The following LINGO1 variants were observed in gnomAD, a reference collection of about 807,000 sequenced individuals.
LINGO1 encodes the protein leucine-rich repeat and immunoglobulin-like domain-containing nogo receptor-interacting protein 1.
Under a neutral mutation model 37.3 loss-of-function variants are expected in LINGO1, and 11 were observed. The observed-to-expected ratio is 0.29, with a 90% CI of 0.19 to 0.49. LINGO1 has a LOEUF of 0.49. Among genes scored for constraint, LINGO1 ranks in the 20% least tolerant of loss-of-function variants. LINGO1 has a pLI of 0.99. For missense variants in LINGO1, 585 were observed against 878.2 expected, an observed-to-expected ratio of 0.67 and a Z score of 4.22; for synonymous variants, 387 against 403.0, an observed-to-expected ratio of 0.96 and a Z score of 0.48.
chr15:77,793,734 T>C (rs1195055767), intron 2 of LINGO1, among the ~76,000 whole-genome samples: 1 of 152,174 alleles, frequency 6.6e-6, no homozygotes, highest in Non-Finnish European at 1.5e-5. Context: ...GAGTATTTAA[T>C]GATGGGAAAA....
chr15:77,796,371 T>C (rs1363136903), intron 1 of LINGO1, among the ~76,000 whole-genome samples: 1 of 151,818 alleles, frequency 6.6e-6, no homozygotes, highest in Non-Finnish European at 1.5e-5. Flanking sequence ...AAGCGCAGAG[T>C]TTGTGGCCCC....
At chr15:77,691,935 G>C (rs2075611495) in intron 1 of LINGO1, among the ~76,000 whole-genome samples, 1 of 152,144 alleles carries the variant, frequency 6.6e-6, no homozygotes, top group Non-Finnish European at 1.5e-5. Flanking sequence ...GGCATCACAG[G>C]GTCCAGATTA....
intron 2 of LINGO1, among the ~76,000 whole-genome samples, chr15:77,685,805 C>T (rs1230292226): frequency 6.6e-6 from 1 of 152,052 alleles, no homozygotes; most frequent in African/African-American, 2.4e-5. Flanking sequence ...GAGCCATGAT[C>T]ACAACACTGC....
upstream of LINGO1, among the ~76,000 whole-genome samples, chr15:77,697,924 T>G (rs1225385310): frequency 6.6e-6 from 1 of 152,154 alleles, no homozygotes; most frequent in African/African-American, 2.4e-5. Context: ...CAGGGCCTAG[T>G]AGGCACCAAG....
At chr15:77,804,924 T>C (rs1454054186) in intron 1 of LINGO1, among the ~76,000 whole-genome samples, 1 of 152,188 alleles carries the variant, frequency 6.6e-6, no homozygotes, top group Non-Finnish European at 1.5e-5. Context: ...AAGGGCTGGA[T>C]GGGAGTGCTG....
intron 3 of LINGO1, among the ~76,000 whole-genome samples, chr15:77,669,792 T>G (rs1298807387): frequency 1.3e-5 from 2 of 152,202 alleles, no homozygotes; most frequent in Admixed American, 1.3e-4. Flanking sequence ...ACTCACAAAC[T>G]GGAGAGCATG....
chr15:77,795,963 A>T (rs2076869432), exon 2 of LINGO1: 1 of 152,272 alleles, frequency 6.6e-6, no homozygotes, highest in African/African-American at 2.4e-5. Flanking sequence ...GTGTCTGGGG[A>T]GTACAGCTGG....
chr15:77,781,596 T>C (rs1418316370), intron 1 of LINGO1, among the ~76,000 whole-genome samples: 2 of 152,184 alleles, frequency 1.3e-5, no homozygotes, highest in African/African-American at 4.8e-5. Flanking sequence ...TCGCTGCACG[T>C]GGTGCCTCAG....
At chr15:77,628,689 G>A (rs1327731346) in intron 1 of LINGO1, among the ~76,000 whole-genome samples, 1 of 152,102 alleles carries the variant, frequency 6.6e-6, no homozygotes, top group Admixed American at 6.5e-5. Context: ...GTTCATTATA[G>A]TATTATTACT....
chr15:77,691,514 C>T (rs1266654921), intron 1 of LINGO1, among the ~76,000 whole-genome samples: 2 of 138,692 alleles, frequency 1.4e-5, no homozygotes, highest in Non-Finnish European at 3.3e-5. Context: ...AAGGGATGTC[C>T]CTGGGGAAGG....
At chr15:77,757,420 T>C (rs921281534) in intron 1 of LINGO1, among the ~76,000 whole-genome samples, 4 of 152,156 alleles carry the variant, frequency 2.6e-5, no homozygotes, top group Admixed American at 6.5e-5. Context: ...CTGAGGTGGC[T>C]GTGGGAACAC....
At chr15:77,706,962 G>A (rs758843767) in intron 2 of LINGO1, among the ~76,000 whole-genome samples, 5 of 152,242 alleles carry the variant, frequency 3.3e-5, no homozygotes, top group South Asian at 2.1e-4. Context: ...TTCTGCCTCC[G>A]TGGGCAATGC....
At chr15:77,757,924 C>T (rs982196158) in intron 1 of LINGO1, among the ~76,000 whole-genome samples, 5 of 152,216 alleles carry the variant, frequency 3.3e-5, no homozygotes, top group Non-Finnish European at 4.4e-5. Flanking sequence ...CTTTCCCTGC[C>T]TCGGCTGTGT....
intron 2 of LINGO1, among the ~76,000 whole-genome samples, chr15:77,701,499 T>C (rs888285270): frequency 1.3e-5 from 2 of 152,128 alleles, no homozygotes; most frequent in African/African-American, 4.8e-5. Flanking sequence ...GCTTGTGATA[T>C]AGTTTGGGTG....
intron 2 of LINGO1, among the ~76,000 whole-genome samples, chr15:77,727,754 A>G (rs28640971): frequency 0.11 from 16,969 of 151,898 alleles, 1,134 homozygotes; most frequent in African/African-American, 0.18. Context: ...TTTAAAAAAA[A>G]AAAGAAAAGG....
chr15:77,740,448 T>C (rs2076251553), intron 1 of LINGO1, among the ~76,000 whole-genome samples: 1 of 152,156 alleles, frequency 6.6e-6, no homozygotes, highest in Non-Finnish European at 1.5e-5. Flanking sequence ...AGCACAAATG[T>C]TGCCTCAGTG....
intron 1 of LINGO1, among the ~76,000 whole-genome samples, chr15:77,806,314 CTAT>C (rs2076959271): frequency 6.6e-6 from 1 of 152,076 alleles, no homozygotes; most frequent in Non-Finnish European, 1.5e-5. Context: ...AATTTATTTT[CTAT>C]CATTAATGGT....
At chr15:77,649,927 C>G (rs767568092) in intron 3 of LINGO1, among the ~76,000 whole-genome samples, 8 of 152,206 alleles carry the variant, frequency 5.3e-5, no homozygotes, top group Non-Finnish European at 1.0e-4. Flanking sequence ...CAAAACAGAA[C>G]TAGAGAGCCA....
intron 2 of LINGO1, among the ~76,000 whole-genome samples, chr15:77,711,133 A>T (rs2075913696): frequency 6.6e-6 from 1 of 151,926 alleles, no homozygotes; most frequent in South Asian, 2.1e-4. Flanking sequence ...TCCCTTCAAA[A>T]CCCAGCTCAA....
Sources: gnomAD v4.1 joint callset for allele counts (sites outside exome capture counted in the v4.1 genomes callset) on GRCh38, gnomAD v4.1.1 for gene constraint, MANE v1.5 for transcripts, NCBI Gene and HGNC (gene_info 2026-07-23, HGNC 2026-07-21) for gene names.